The following PKD1L1 variants were observed in gnomAD, a reference collection of about 807,000 sequenced individuals.
The protein encoded by PKD1L1 is polycystin-1-like protein 1.
PKD1L1 carries 236 observed loss-of-function variants against 323.4 expected under a neutral mutation model. The observed-to-expected ratio is 0.73, with a 90% CI of 0.66 to 0.81. The LOEUF (loss-of-function observed/expected upper bound fraction) is 0.81. PKD1L1 is among the 40% of genes least tolerant of loss of function. The probability of loss-of-function intolerance (pLI) is 0.00; values close to 1 mark genes in which losing one functional copy is unlikely to be tolerated. For synonymous variants in PKD1L1, 1,344 were observed against 1,335.0 expected (o/e 1.01, Z -0.15); for missense variants, 3,320 against 3,508.0 (o/e 0.95, Z 1.35).
In PKD1L1 at chr7:47,928,282, C is replaced by T. The variant is rs187526618; in HGVS notation, c.1060+922G>A. Among the ~76,000 whole-genome samples, 8 of 152,110 alleles carry T rather than the reference C, an allele frequency of 5.3e-5. No individual in the cohort carries two copies. The East Asian group carries it at 5.8e-4, about 11-fold the overall frequency. The stretch of plus-strand genomic sequence containing the variant: ...AAAAGTAACTTTAAAAACAAAAGGC[C>T]GGGGGGGAAGGTGCAGTGGCTCACA... On this transcript the variant is annotated intron_variant, in intron 7 of 56. Coordinates refer to ENST00000289672, the MANE Select transcript of PKD1L1 (RefSeq NM_138295.5).
At chr7:47,922,669 G>A (rs1180958591) in intron 7 of PKD1L1, among the ~76,000 whole-genome samples, 1 of 150,990 alleles carries the variant, frequency 6.6e-6, no homozygotes. Context: ...GAGCCCCTCC[G>A]CCCGGCAGCT....
intron 14 of PKD1L1, among the ~76,000 whole-genome samples, chr7:47,894,402 T>C (rs1345576453): frequency 6.6e-6 from 1 of 152,226 alleles, no homozygotes; most frequent in African/African-American, 2.4e-5. Flanking sequence ...CTCCTGGCTT[T>C]TGTGCAACTT....
chr7:47,929,060 G>A, intron 7 of PKD1L1, 144 bp downstream of exon 7: 1 of 793,110 alleles, frequency 1.3e-6, no homozygotes, highest in Non-Finnish European at 2.0e-6. Context: ...GTGTGCCACT[G>A]AGCTACTATT....
At position 47,839,094 on chromosome 7, in the gene PKD1L1, T is replaced by A. The variant is rs577769299; in HGVS notation, c.5769+352A>T. Among the ~76,000 whole-genome samples, 1 of 152,268 alleles carries A rather than the reference T, an allele frequency of 6.6e-6. No homozygotes were observed. Among genetic ancestry groups the A allele is most frequent in the South Asian group, 2.1e-4 (1 of 4,828 alleles). On this transcript the variant is annotated intron_variant, in intron 36 of 56. Coordinates refer to ENST00000289672, the MANE Select transcript of PKD1L1 (RefSeq NM_138295.5). The surrounding 1 kb of genome is among the most constrained non-coding windows in gnomAD (Gnocchi z 4.3). ...CTATACCACATCTGTAATTACTCTA[T>A]TGATAGTTATCTAGGTTGTTTGGGA...
chr7:47,776,732 T>C (rs1255544444), intron 56 of PKD1L1, among the ~76,000 whole-genome samples: 2 of 152,164 alleles, frequency 1.3e-5, no homozygotes, highest in Admixed American at 6.5e-5. Flanking sequence ...GGAATAATAA[T>C]GAACTGTATT....
intron 12 of PKD1L1, among the ~76,000 whole-genome samples, chr7:47,904,163 C>G (rs940901389): frequency 6.6e-6 from 1 of 152,154 alleles, no homozygotes; most frequent in Non-Finnish European, 1.5e-5. Context: ...GCAGCCACAG[C>G]CCCTGTACTG....
upstream of PKD1L1, among the ~76,000 whole-genome samples, chr7:47,950,226 G>T (rs554301102): frequency 1.7e-3 from 260 of 152,268 alleles, 2 homozygotes; most frequent in African/African-American, 6.0e-3. Context: ...TGCCTGCTGG[G>T]CTGGCATCCA....
At chr7:47,948,000 C>T (rs905770368) in intron 1 of PKD1L1, among the ~76,000 whole-genome samples, 2 of 152,092 alleles carry the variant, frequency 1.3e-5, no homozygotes, top group African/African-American at 4.8e-5. Context: ...TGGGCCAAGA[C>T]CCCATGATCT....
intron 31 of PKD1L1, among the ~76,000 whole-genome samples, chr7:47,847,426 T>G (rs538291200): frequency 1.3e-5 from 2 of 152,182 alleles, no homozygotes; most frequent in Non-Finnish European, 1.5e-5. Flanking sequence ...TTTCTTTAGC[T>G]GCCATTCAAG....
In PKD1L1 at chr7:47,780,018, G is replaced by A. The variant is rs568291200; in HGVS notation, c.8527-4852C>T. 3.9e-4 allele frequency among the ~76,000 whole-genome samples: 57 copies of A among 145,716 alleles called. No individual in the cohort carries two copies. The South Asian group carries it at 8.6e-3, about 22-fold the overall frequency. On this transcript the variant is annotated intron_variant, in intron 56 of 56. Transcript: ENST00000289672. Reference sequence around the variant, plus strand: ...TAATTTTGTATGCTATAACAACCTCGTTATTTTTTAATTATTTTTTTTTTA... The same window carrying A: ...TAATTTTGTATGCTATAACAACCTCATTATTTTTTAATTATTTTTTTTTTA...
In PKD1L1 at chr7:47,811,799, A is replaced by G. The variant is rs760905340; in HGVS notation, c.7581+18T>C. The G allele has an allele frequency of 6.8e-5, 107 of 1,577,598 alleles. No individual in the cohort carries two copies. Among genetic ancestry groups the G allele is most frequent in the Non-Finnish European group, 5.1e-5 (59 of 1,160,496 alleles). ...TTCCTGTGCACCTCCAGGAGGCCCA[A>G]GAGGCAGGTCAGCTCACCTGGGGAA... On this transcript the variant is annotated intron_variant, in intron 50 of 56. Transcript: ENST00000289672.
At chr7:47,871,664 C>G (rs897089913) in intron 24 of PKD1L1, among the ~76,000 whole-genome samples, 3 of 151,364 alleles carry the variant, frequency 2.0e-5, no homozygotes, top group Admixed American at 6.6e-5. Flanking sequence ...GACTAAGGGA[C>G]AAAAAACATA....
At position 47,811,966 on chromosome 7, in the gene PKD1L1, G is replaced by A; in HGVS notation, c.7432C>T (p.Leu2478Phe). The change falls in exon 50 of 57, where the codon CTC becomes TTC. Residue 2478 changes from leucine to phenylalanine, a missense_variant. Transcript: ENST00000289672. ...AAGAGTTGGGTTGGAGGGTTATAGA[G>A]AGTGAAGTGCACAGACACAGCCCTG... ...STRAVSVHFT[L>F]YNPPTQLFTS... The A allele has an allele frequency of 1.2e-6, 2 of 1,601,370 alleles. No individual in the cohort carries two copies. Among genetic ancestry groups the A allele is most frequent in the Non-Finnish European group, 1.7e-6 (2 of 1,174,046 alleles).
chr7:47,850,123 T>C (rs996569032), intron 31 of PKD1L1, among the ~76,000 whole-genome samples: 4 of 152,116 alleles, frequency 2.6e-5, no homozygotes, highest in Non-Finnish European at 4.4e-5. Flanking sequence ...CTAAGGAACT[T>C]ATTCATGTAA....
chr7:47,806,237 C>G (rs1784774772), intron 52 of PKD1L1, among the ~76,000 whole-genome samples: 1 of 152,202 alleles, frequency 6.6e-6, no homozygotes, highest in Non-Finnish European at 1.5e-5. Context: ...AAAAGAACAT[C>G]CTACATTCAC....
At chr7:47,831,033 C>G (rs1294963415) in intron 42 of PKD1L1, among the ~76,000 whole-genome samples, 184 bp downstream of exon 42, 1 of 152,160 alleles carries the variant, frequency 6.6e-6, no homozygotes, top group East Asian at 1.9e-4. Flanking sequence ...GCCAAGCCAC[C>G]CTTTGGGATC....
intron 4 of PKD1L1, among the ~76,000 whole-genome samples, chr7:47,934,702 T>A (rs1331257396): frequency 6.6e-6 from 1 of 152,112 alleles, no homozygotes; most frequent in Admixed American, 6.5e-5. Flanking sequence ...GTCAGGCTTT[T>A]ATTGATTGTG....
intron 45 of PKD1L1, among the ~76,000 whole-genome samples, chr7:47,825,029 G>T (rs957523109): frequency 6.6e-6 from 1 of 152,134 alleles, no homozygotes; most frequent in Non-Finnish European, 1.5e-5. Context: ...CCCCATAGTG[G>T]CTGTACCATT....
chr7:47,882,146 A>G, intron 19 of PKD1L1, 61 bp from the exon 20 acceptor site: 1 of 1,536,242 alleles, frequency 6.5e-7, no homozygotes, highest in Non-Finnish European at 8.9e-7. Flanking sequence ...ATCTTAAAGC[A>G]TTAGTGATTC....
Sources: allele counts gnomAD v4.1 joint callset (sites outside exome capture counted in the v4.1 genomes callset), GRCh38; gene constraint gnomAD v4.1.1; non-coding constraint Gnocchi (gnomAD v3.1); transcripts MANE v1.5; gene names NCBI Gene and HGNC (gene_info 2026-07-23, HGNC 2026-07-21).